The following ZNF486 variants were observed in gnomAD, a reference collection of about 807,000 sequenced individuals.
ZNF486 encodes the protein KRAB box only protein 2.
In ZNF486, 12 loss-of-function variants were observed where a neutral mutation model predicts 12.8. That is an observed-to-expected ratio of 0.94 (90% confidence interval 0.60 to 1.52). The LOEUF (loss-of-function observed/expected upper bound fraction) is 1.52. ZNF486 is among the 40% of genes most tolerant of loss of function. ZNF486 has a pLI of 0.00. For missense variants in ZNF486, 738 were observed against 545.0 expected (o/e 1.35, Z -3.53); for synonymous variants, 231 against 184.9 (o/e 1.25, Z -2.02).
intron 1 of ZNF486, among the ~76,000 whole-genome samples, chr19:20,177,767 G>A (rs568090207): frequency 4.6e-5 from 7 of 152,180 alleles, no homozygotes; most frequent in African/African-American, 1.7e-4. Flanking sequence ...GTAGAGAGGG[G>A]GTTTGTCAGT....
In ZNF486 at chr19:20,197,550, C is replaced by T. The variant is rs782221400; in HGVS notation, c.840C>T (p.Thr280=). The T allele has an allele frequency of 6.2e-7, 1 of 1,612,924 alleles. No homozygotes were observed. The highest frequency in any genetic ancestry group is 1.3e-5 in the African/African-American group (1 of 74,788). ...ECGKAFMYPY[T]LTTHKIIHTG... is the part of the protein sequence containing the mutation. ...GCAAAGCCTTTATGTACCCCTATAC[C>T]CTTACTACACATAAGATAATCCATA... The change falls in exon 4 of 4, where the codon ACC becomes ACT. Residue 280 remains threonine, a synonymous_variant. Coordinates refer to ENST00000335117, the MANE Select transcript of ZNF486 (RefSeq NM_052852.4).
chr19:20,184,641 T>G (rs1555716097), intron 2 of ZNF486, among the ~76,000 whole-genome samples, 159 bp downstream of exon 2: 1 of 152,254 alleles, frequency 6.6e-6, no homozygotes, highest in Non-Finnish European at 1.5e-5. Context: ...AAGAATTTCT[T>G]CAAGATGTTT....
At chr19:20,178,070 C>T (rs907902983) in intron 1 of ZNF486, among the ~76,000 whole-genome samples, 2 of 149,852 alleles carry the variant, frequency 1.3e-5, no homozygotes, top group Middle Eastern at 3.6e-3. Context: ...ATTACAGGTG[C>T]CTGCCACCAG....
intron 3 of ZNF486, among the ~76,000 whole-genome samples, chr19:20,186,966 T>C (rs1386905818): frequency 1.3e-5 from 2 of 151,158 alleles, no homozygotes; most frequent in Admixed American, 1.3e-4. Flanking sequence ...TTGTATTTTT[T>C]GTAGAGAGGG....
At chr19:20,180,408 A>G (rs1266697452) in intron 1 of ZNF486, among the ~76,000 whole-genome samples, 4 of 152,006 alleles carry the variant, frequency 2.6e-5, no homozygotes, top group African/African-American at 9.7e-5. Context: ...CAGTCCAGAA[A>G]CTTTTAGTCT....
chr19:20,175,533 C>G lies in ZNF486; in HGVS notation c.30+8173C>G, dbSNP rs112889098. Among the ~76,000 whole-genome samples the G allele has an allele frequency of 6.5e-3, 978 of 151,100 alleles. 11 individuals are homozygous for G. Among genetic ancestry groups the G allele is most frequent in the African/African-American group, 0.022 (899 of 40,904 alleles). On this transcript the variant is annotated intron_variant, in intron 1 of 3. Transcript: ENST00000335117. ...TTGAGATTAGGGAGTGGTGATGACTCTTAATGAGCATGCTGCCTTCAAGCA... is the reference window on the plus strand; with the variant it reads ...TTGAGATTAGGGAGTGGTGATGACTGTTAATGAGCATGCTGCCTTCAAGCA...
chr19:20,169,852 C>A (rs911897502), intron 1 of ZNF486, among the ~76,000 whole-genome samples: 3 of 150,190 alleles, frequency 2.0e-5, no homozygotes, highest in African/African-American at 4.9e-5. Flanking sequence ...CCTGAAATCA[C>A]CGTGTTCTTA....
Position 20,200,089 on chromosome 19 carries a change from T to G in ZNF486, c.*1987T>G, listed in dbSNP as rs572259207. 6.6e-6 allele frequency: 1 copy of G among 152,118 alleles called. No homozygotes were observed. The highest frequency in any genetic ancestry group is 6.6e-5 in the Admixed American group (1 of 15,238). The allele number at this position is 152,118 out of a possible 1,614,324, so 9.4% of individuals were successfully genotyped here. On this transcript the variant is annotated 3_prime_UTR_variant, in exon 4 of 4. Coordinates refer to ENST00000335117, the MANE Select transcript of ZNF486 (RefSeq NM_052852.4). Reference sequence around the variant, plus strand: ...AGACTCCATCTCAAAAAAAAAAGTGTATTTGTTTCCTTAAAAAAATTTTTC... The same window carrying G: ...AGACTCCATCTCAAAAAAAAAAGTGGATTTGTTTCCTTAAAAAAATTTTTC...
chr19:20,173,831 C>T (rs77600169), intron 1 of ZNF486, among the ~76,000 whole-genome samples: 1 of 122,366 alleles, frequency 8.2e-6, no homozygotes, highest in East Asian at 2.3e-4. Context: ...GACTCCGTCT[C>T]AAAAAAAAAA....
intron 3 of ZNF486, among the ~76,000 whole-genome samples, chr19:20,196,517 A>G (rs2089959864): frequency 6.6e-6 from 1 of 152,136 alleles, no homozygotes; most frequent in Non-Finnish European, 1.5e-5. Context: ...TTTAGTAGAG[A>G]TGGGGTTTCA....
intron 3 of ZNF486, chr19:20,188,414 T>C (rs1009836744): frequency 5.0e-6 from 2 of 398,470 alleles, no homozygotes; most frequent in Middle Eastern, 6.2e-4. Flanking sequence ...GGCATGGTTG[T>C]GGCTCCCATC....
At chr19:20,192,339 T>C (rs1555717310) in intron 3 of ZNF486, among the ~76,000 whole-genome samples, 1 of 152,160 alleles carries the variant, frequency 6.6e-6, no homozygotes, top group Non-Finnish European at 1.5e-5. Context: ...AGACAGAGTT[T>C]CACTTTTGTT....
At chr19:20,192,529 A>T (rs1157401881) in intron 3 of ZNF486, among the ~76,000 whole-genome samples, 1 of 152,054 alleles carries the variant, frequency 6.6e-6, no homozygotes, top group African/African-American at 2.4e-5. Flanking sequence ...GCTTGTCTTA[A>T]ACTTCTGACC....
At chr19:20,167,402 G>A in intron 1 of ZNF486, 42 bp downstream of exon 1, 1 of 1,605,142 alleles carries the variant, frequency 6.2e-7, no homozygotes, top group East Asian at 2.2e-5. Flanking sequence ...GGGAGGGACT[G>A]GTTGATGGGA....
In ZNF486 at chr19:20,182,098, C is replaced by T. The variant is rs770138929; in HGVS notation, c.31-2258C>T. Among the ~76,000 whole-genome samples, 24 of 152,138 alleles carry T rather than the reference C, an allele frequency of 1.6e-4. 1 individual carries two copies. The highest frequency in any genetic ancestry group is 2.6e-4 in the Non-Finnish European group (18 of 68,030). ...CATATAAAACTTTAGGGTGGAGATGCGTTGTCCCTATTTGTATCAGAAGTA... is the reference window on the plus strand; with the variant it reads ...CATATAAAACTTTAGGGTGGAGATGTGTTGTCCCTATTTGTATCAGAAGTA... On this transcript the variant is annotated intron_variant, in intron 1 of 3. Coordinates refer to ENST00000335117, the MANE Select transcript of ZNF486 (RefSeq NM_052852.4).
chr19:20,185,911 T>C, intron 2 of ZNF486, 76 bp from the exon 3 acceptor site: 1 of 860,502 alleles, frequency 1.2e-6, no homozygotes, highest in East Asian at 3.0e-5. Context: ...TATTACATTC[T>C]TTCTGCTGAG....
At chr19:20,186,184 C>A (rs2089843893) in intron 3 of ZNF486, 102 bp downstream of exon 3, 2 of 767,810 alleles carry the variant, frequency 2.6e-6, no homozygotes, top group African/African-American at 1.8e-5. Flanking sequence ...AGCTGTGTTC[C>A]AAAGGAAATA....
rs1300310682 is a variant in ZNF486, at chr19:20,177,856, A to G, written c.31-6500A>G. On this transcript the variant is annotated intron_variant, in intron 1 of 3. Transcript: ENST00000335117. ...CTCCCAAAGTGCTGGGATTACAGGC[A>G]CGAGCCACCACACCCAGCCAAAACG... Among the ~76,000 whole-genome samples, 4 of 151,454 alleles carry G rather than the reference A, an allele frequency of 2.6e-5. No homozygotes were observed. In the South Asian group the frequency reaches 8.3e-4, roughly 31 times the overall value.
chr19:20,187,785 G>A (rs557545881), intron 3 of ZNF486, among the ~76,000 whole-genome samples: 2 of 152,116 alleles, frequency 1.3e-5, no homozygotes, highest in East Asian at 3.9e-4. Flanking sequence ...TTACAGGTGT[G>A]AGCCACCACG....
Sources: gnomAD v4.1 joint callset for allele counts (sites outside exome capture counted in the v4.1 genomes callset) on GRCh38, gnomAD v4.1.1 for gene constraint, MANE v1.5 for transcripts, NCBI Gene and HGNC (gene_info 2026-07-23, HGNC 2026-07-21) for gene names.